Variants in SGCZ observed in about 807,000 individuals in gnomAD.
SGCZ encodes zeta-sarcoglycan.
Under a neutral mutation model 41.3 loss-of-function variants are expected in SGCZ, and 40 were observed. The ratio of observed to expected loss-of-function variants is 0.97; its 90% confidence interval spans 0.75 to 1.26. SGCZ has a LOEUF of 1.26. Ranked by LOEUF, SGCZ falls within the 50% of genes most tolerant of loss-of-function variation. The probability of loss-of-function intolerance (pLI) is 0.00; values close to 1 mark genes in which losing one functional copy is unlikely to be tolerated. For missense variants in SGCZ, 552 were observed against 369.8 expected (o/e 1.49, Z -4.04); for synonymous variants, 206 against 137.5 (o/e 1.50, Z -3.49).
intron 1 of SGCZ, among the ~76,000 whole-genome samples, chr8:14,980,755 TC>T (rs11312499): frequency 0.95 from 144,584 of 152,220 alleles, 68,853 homozygotes; most frequent in East Asian, 1. Context: ...ACTGGGTCCC[TC>T]CCCACAACAT....
chr8:14,564,340 A>G (rs1414603365), intron 1 of SGCZ, among the ~76,000 whole-genome samples: 1 of 152,038 alleles, frequency 6.6e-6, no homozygotes, highest in Non-Finnish European at 1.5e-5. Context: ...TAACGCTACA[A>G]TATCAGTCAT....
At chr8:14,218,673 T>C (rs1171555991) in intron 4 of SGCZ, among the ~76,000 whole-genome samples, 1 of 152,212 alleles carries the variant, frequency 6.6e-6, no homozygotes, top group Non-Finnish European at 1.5e-5. Context: ...TTATTTTATA[T>C]TTATTTTAGA....
At chr8:14,378,946 G>C (rs557910701) in intron 2 of SGCZ, among the ~76,000 whole-genome samples, 1 of 152,148 alleles carries the variant, frequency 6.6e-6, no homozygotes, top group East Asian at 1.9e-4. Context: ...TGCTTCTTTA[G>C]AAAAGTTAAA....
intron 1 of SGCZ, among the ~76,000 whole-genome samples, chr8:14,882,693 C>T (rs1804635475): frequency 6.6e-6 from 1 of 152,136 alleles, no homozygotes; most frequent in Non-Finnish European, 1.5e-5. Flanking sequence ...ATTACGACAG[C>T]TCTGCTGCTA....
intron 1 of SGCZ, among the ~76,000 whole-genome samples, chr8:15,019,034 C>T (rs1372492722): frequency 6.6e-6 from 1 of 152,196 alleles, no homozygotes; most frequent in South Asian, 2.1e-4. Context: ...AACTAGATCT[C>T]ATGAGAACTC....
At chr8:14,642,051 T>C (rs959911657) in intron 1 of SGCZ, among the ~76,000 whole-genome samples, 1 of 151,608 alleles carries the variant, frequency 6.6e-6, no homozygotes, top group Non-Finnish European at 1.5e-5. Flanking sequence ...CATGTACCAA[T>C]GGATCATTAG....
At chr8:14,315,603 T>TA (rs1180936668) in intron 3 of SGCZ, among the ~76,000 whole-genome samples, 2 of 151,840 alleles carry the variant, frequency 1.3e-5, no homozygotes, top group Non-Finnish European at 2.9e-5. Context: ...TACTTATAAA[T>TA]AAAAAAAGTC....
chr8:14,264,419 C>A (rs975673587), intron 3 of SGCZ, among the ~76,000 whole-genome samples: 2 of 152,150 alleles, frequency 1.3e-5, no homozygotes, highest in African/African-American at 2.4e-5. Flanking sequence ...CTTCCTCAGC[C>A]TCAGACAGAA....
chr8:14,731,721 T>G (rs1465387608), intron 1 of SGCZ, among the ~76,000 whole-genome samples: 1 of 152,158 alleles, frequency 6.6e-6, no homozygotes, highest in Non-Finnish European at 1.5e-5. Flanking sequence ...AGATTACATA[T>G]TTTAATTTTT....
intron 1 of SGCZ, among the ~76,000 whole-genome samples, chr8:14,626,057 A>C (rs1454307197): frequency 6.6e-6 from 1 of 152,206 alleles, no homozygotes; most frequent in Non-Finnish European, 1.5e-5. Flanking sequence ...CTTTTATCCT[A>C]AAATGCTGAA....
At chr8:14,345,551 G>C (rs915329504) in intron 2 of SGCZ, among the ~76,000 whole-genome samples, 1 of 152,072 alleles carries the variant, frequency 6.6e-6, no homozygotes, top group Non-Finnish European at 1.5e-5. Context: ...TACGAAGAGA[G>C]GTCTCCCTAA....
chr8:14,528,459 G>T (rs1345847684), intron 2 of SGCZ, among the ~76,000 whole-genome samples: 1 of 152,024 alleles, frequency 6.6e-6, no homozygotes. Flanking sequence ...AAGCAGCATG[G>T]TATAGAGTTA....
At chr8:14,173,860 A>T (rs1423852332) in intron 4 of SGCZ, among the ~76,000 whole-genome samples, 1 of 152,114 alleles carries the variant, frequency 6.6e-6, no homozygotes, top group Non-Finnish European at 1.5e-5. Flanking sequence ...CAAAAACAAA[A>T]ATTTAAAGTT....
At chr8:14,970,988 G>A (rs975259755) in intron 1 of SGCZ, among the ~76,000 whole-genome samples, 1 of 151,958 alleles carries the variant, frequency 6.6e-6, no homozygotes, top group Non-Finnish European at 1.5e-5. Flanking sequence ...ACATTTTTCA[G>A]CTTTATTCAC....
intron 5 of SGCZ, among the ~76,000 whole-genome samples, chr8:14,148,367 G>A (rs1427793823): frequency 6.6e-6 from 1 of 151,884 alleles, no homozygotes; most frequent in Non-Finnish European, 1.5e-5. Flanking sequence ...CATTACAACT[G>A]ACACTGCCAA....
intron 4 of SGCZ, among the ~76,000 whole-genome samples, chr8:14,222,563 A>C (rs1217835126): frequency 1.3e-5 from 2 of 152,038 alleles, no homozygotes; most frequent in Non-Finnish European, 2.9e-5. Context: ...CTTCTGACAG[A>C]TTATGTATTC....
At chr8:14,184,684 T>A (rs1360319083) in intron 4 of SGCZ, among the ~76,000 whole-genome samples, 1 of 152,222 alleles carries the variant, frequency 6.6e-6, no homozygotes, top group East Asian at 1.9e-4. Context: ...TCTAGCATAG[T>A]TTTGGACTAA....
chr8:14,284,075 C>G (rs1009123113), intron 3 of SGCZ, among the ~76,000 whole-genome samples: 1 of 152,120 alleles, frequency 6.6e-6, no homozygotes, highest in Non-Finnish European at 1.5e-5. Context: ...CTCCTTATTT[C>G]TAGTGATATT....
chr8:14,329,922 T>G (rs1180534197), intron 2 of SGCZ, among the ~76,000 whole-genome samples: 1 of 152,136 alleles, frequency 6.6e-6, no homozygotes, highest in Non-Finnish European at 1.5e-5. Flanking sequence ...GTTTTTTGTT[T>G]GTTTTTCAGA....
Sources: gnomAD v4.1 joint callset for allele counts (sites outside exome capture counted in the v4.1 genomes callset) on GRCh38, gnomAD v4.1.1 for gene constraint, MANE v1.5 for transcripts, NCBI Gene and HGNC (gene_info 2026-07-23, HGNC 2026-07-21) for gene names.